The following SYNE2 variants were observed in gnomAD, a reference collection of about 807,000 sequenced individuals.
SYNE2 encodes the protein nesprin-2.
A neutral mutation model predicts 856.3 loss-of-function variants in SYNE2; 431 were observed. The ratio of observed to expected loss-of-function variants is 0.50; its 90% CI spans 0.47 to 0.55. SYNE2 has a LOEUF of 0.55. SYNE2 is among the 20% of genes least tolerant of loss of function. The pLI is 0.00. For missense variants in SYNE2, 8,129 were observed against 8,023.2 expected (o/e 1.01, Z -0.50); for synonymous variants, 2,923 against 2,872.3 (o/e 1.02, Z -0.56).
chr14:64,186,974 A>T (rs962998570), intron 97 of SYNE2, among the ~76,000 whole-genome samples: 1 of 152,180 alleles, frequency 6.6e-6, no homozygotes. Context: ...CAGGAGTCTT[A>T]CTTCATGCCC....
At chr14:64,170,024 C>T (rs767494075) in intron 93 of SYNE2, among the ~76,000 whole-genome samples, 8 of 152,184 alleles carry the variant, frequency 5.3e-5, no homozygotes, top group Non-Finnish European at 1.0e-4. Context: ...CGTGCAGATA[C>T]CTTCTGCTAA....
At chr14:64,111,665 G>A (rs2097808799) in intron 65 of SYNE2, among the ~76,000 whole-genome samples, 1 of 152,068 alleles carries the variant, frequency 6.6e-6, no homozygotes, top group Non-Finnish European at 1.5e-5. Flanking sequence ...AGGTATGGTG[G>A]TGTGTGCTTG....
At chr14:64,014,994 T>C (rs10138644) in intron 32 of SYNE2, among the ~76,000 whole-genome samples, 100,362 of 133,318 alleles carry the variant, frequency 0.75, 40,288 homozygotes, top group Non-Finnish European at 0.89. Context: ...CACACACACA[T>C]ATATAAATAT....
chr14:64,209,151 T>C, intron 101 of SYNE2: 1 of 851,622 alleles, frequency 1.2e-6, no homozygotes, highest in Non-Finnish European at 1.8e-6. Flanking sequence ...GTGTGGGGTG[T>C]GGCTGTGGAC....
intron 30 of SYNE2, among the ~76,000 whole-genome samples, 185 bp from the exon 31 acceptor site, chr14:64,006,858 A>C (rs1291077023): frequency 1.3e-5 from 2 of 152,028 alleles, no homozygotes; most frequent in South Asian, 4.2e-4. Context: ...AACAAAACAA[A>C]ACAAAAATCA....
At chr14:64,028,943 C>T (rs1011024922) in intron 43 of SYNE2, among the ~76,000 whole-genome samples, 5 of 152,106 alleles carry the variant, frequency 3.3e-5, no homozygotes, top group Non-Finnish European at 5.9e-5. Flanking sequence ...TGAGATCATC[C>T]TGGCCAACAT....
chr14:63,930,533 C>CTT (rs147797429), intron 2 of SYNE2, among the ~76,000 whole-genome samples: 11,724 of 128,414 alleles, frequency 0.091, 554 homozygotes, highest in South Asian at 0.17. Context: ...CATTATCCTT[C>CTT]TTTTTTTTTT....
chr14:64,165,537 G>T, intron 90 of SYNE2, 127 bp downstream of exon 90: 6 of 1,007,904 alleles, frequency 6.0e-6, no homozygotes, highest in Non-Finnish European at 8.8e-6. Flanking sequence ...TTTTGAGACG[G>T]ACTCTCGCTC....
rs1287015426 is a variant in SYNE2, at chr14:64,225,535, G to GCTGGCCACAGTGCTACACCACC, written c.*10_*31dup. ...GGCCACCCCCCACATAGAGGGCATAGCTGGCCACAGTGCTACACCACCTGC... is the reference window on the plus strand; with the variant it reads ...GGCCACCCCCCACATAGAGGGCATAGCTGGCCACAGTGCTACACCACCCTGGCCACAGTGCTACACCACCTGC... On this transcript the variant is annotated 3_prime_UTR_variant, in exon 116 of 116. Coordinates refer to ENST00000555002, the MANE Select transcript of SYNE2 (RefSeq NM_182914.3). 6.2e-7 allele frequency: 1 copy of GCTGGCCACAGTGCTACACCACC among 1,613,274 alleles called. No homozygotes were observed. The highest frequency in any genetic ancestry group is 8.5e-7 in the Non-Finnish European group (1 of 1,179,610).
At chr14:63,774,583 G>A (rs1477270196) in intron 1 of SYNE2, among the ~76,000 whole-genome samples, 2 of 151,102 alleles carry the variant, frequency 1.3e-5, no homozygotes, top group African/African-American at 4.9e-5. Context: ...CACCCAGGAT[G>A]TAGTGCAGTG....
Position 64,167,309 on chromosome 14 carries a change from G to C in SYNE2, c.16682G>C (p.Ser5561Thr), listed in dbSNP as rs1228118707. Reference protein sequence around the residue: ...LNEVSLKLPLSDVAVKTLQNM... With the variant: ...LNEVSLKLPLTDVAVKTLQNM... ...GAAGTGAGCCTCAAGCTCCCACTTA[G>C]TGACGTAGCTGTGAAGACGTTACAA... Residue 5561 changes from serine (S) to threonine (T), a missense_variant, in exon 91 of 116, where the codon AGT (serine) becomes ACT (threonine). Ser to Thr is a moderately conservative substitution (Grantham distance 58). This residue lies in a region of SYNE2 where 5,410 missense variants were observed against 5,284.8 expected (regional missense o/e 1.02). Transcript: ENST00000555002. 3 of 1,614,100 alleles carry C rather than the reference G, an allele frequency of 1.9e-6. No homozygotes were observed. Among genetic ancestry groups the C allele is most frequent in the East Asian group, 2.2e-5 (1 of 44,904 alleles).
intron 2 of SYNE2, among the ~76,000 whole-genome samples, chr14:63,915,786 G>T (rs747777320): frequency 1.3e-5 from 2 of 152,112 alleles, no homozygotes; most frequent in African/African-American, 4.8e-5. Flanking sequence ...GTAGTGAAAC[G>T]TGAGTCTCTG....
chr14:64,014,928 CTT>C (rs1491264300), intron 32 of SYNE2, among the ~76,000 whole-genome samples: 222 of 51,670 alleles, frequency 4.3e-3, no homozygotes, highest in African/African-American at 0.012. Flanking sequence ...TGTATAATTC[CTT>C]ATATATATAT....
chr14:64,096,449 C>T (rs1227919982), intron 61 of SYNE2, among the ~76,000 whole-genome samples: 1 of 152,162 alleles, frequency 6.6e-6, no homozygotes, highest in Non-Finnish European at 1.5e-5. Context: ...TCTGCAGATG[C>T]TGCTTTGAGA....
Position 64,055,984 on chromosome 14 carries a change from A to T in SYNE2, c.9785A>T (p.Lys3262Ile). The change falls in exon 49 of 116, where the codon AAA becomes ATA. Residue 3262 changes from lysine to isoleucine, a missense_variant. Physicochemically the swap from Lys to Ile is moderately radical, Grantham distance 102. This residue lies in a region of SYNE2 where 5,410 missense variants were observed against 5,284.8 expected (regional missense o/e 1.02). Transcript: ENST00000555002. ...GCTTATGAAAATCTAACACGCTATA[A>T]AGAAGCAGTCACCAGGGCAGTGGAG... Reference protein sequence around the residue: ...NDAYENLTRYKEAVTRAVESI... With the variant: ...NDAYENLTRYIEAVTRAVESI... 1 of 1,614,074 alleles carries T rather than the reference A, an allele frequency of 6.2e-7. No homozygotes were observed. The highest frequency in any genetic ancestry group is 8.5e-7 in the Non-Finnish European group (1 of 1,179,928).
chr14:63,887,620 G>A (rs180688942), intron 1 of SYNE2, among the ~76,000 whole-genome samples: 3 of 152,260 alleles, frequency 2.0e-5, no homozygotes, highest in Non-Finnish European at 4.4e-5. Context: ...TAACTGAACT[G>A]GAAGATATGT....
chr14:63,926,773 C>G (rs1028082000), intron 2 of SYNE2, among the ~76,000 whole-genome samples: 5 of 152,200 alleles, frequency 3.3e-5, no homozygotes, highest in African/African-American at 1.2e-4. Flanking sequence ...TAGTCTGTCT[C>G]CACAGCCAGT....
chr14:63,991,483 C>T (rs1193976163), intron 21 of SYNE2, among the ~76,000 whole-genome samples: 2 of 152,012 alleles, frequency 1.3e-5, no homozygotes, highest in African/African-American at 2.4e-5. Context: ...AAATAAGGTA[C>T]GTGAAGTTAC....
In SYNE2 at chr14:63,847,270, C is replaced by A. The variant is rs1220123537; in HGVS notation, c.-304-5231C>A. Among the ~76,000 whole-genome samples the A allele has an allele frequency of 2.0e-5, 3 of 151,354 alleles. No homozygotes were observed. The East Asian group carries it at 6.0e-4, about 30-fold the overall frequency. On this transcript the variant is annotated intron_variant, in intron 1 of 23. Transcript: ENST00000674003. ...GGCCAACCTGGGTAACATATAGAGA[C>A]CCTGCTTTTACAAAATAATAATAAT...
Sources: allele counts gnomAD v4.1 joint callset (sites outside exome capture counted in the v4.1 genomes callset), GRCh38; gene constraint gnomAD v4.1.1; regional missense constraint gnomAD v4.1.1; transcripts MANE v1.5; gene names NCBI Gene and HGNC (gene_info 2026-07-23, HGNC 2026-07-21).